SHISAL2B: variants seen among roughly 807,000 people sequenced by gnomAD.
The protein encoded by SHISAL2B is protein shisa-like-2B.
SHISAL2B carries 12 observed loss-of-function variants against 16.5 expected under a neutral mutation model. That is an observed-to-expected ratio of 0.73 (90% CI 0.47 to 1.18). The LOEUF is 1.18. Among genes scored for constraint, SHISAL2B ranks in the 50% most tolerant of loss-of-function variants. The pLI is 0.00. For missense variants in SHISAL2B, 183 were observed against 193.6 expected (o/e 0.95, Z 0.33); for synonymous variants, 72 against 75.0 (o/e 0.96, Z 0.21).
chr5:64,714,996 G>A (rs28553936), intron 2 of SHISAL2B, among the ~76,000 whole-genome samples: 15,964 of 151,970 alleles, frequency 0.11, 1,471 homozygotes, highest in African/African-American at 0.24. Flanking sequence ...GAAATCACCC[G>A]TCTTCTGCGT....
intron 2 of SHISAL2B, among the ~76,000 whole-genome samples, chr5:64,703,522 A>G (rs1741837431): frequency 6.6e-6 from 1 of 152,316 alleles, no homozygotes; most frequent in Non-Finnish European, 1.5e-5. Context: ...AGCATTTCTG[A>G]GTCCTCCTCA....
intron 2 of SHISAL2B, among the ~76,000 whole-genome samples, chr5:64,712,467 T>G (rs1284064995): frequency 4.0e-5 from 6 of 151,700 alleles, no homozygotes; most frequent in African/African-American, 7.2e-5. Flanking sequence ...AACTATGTGG[T>G]CAATTTTGGA....
chr5:64,710,044 G>A (rs1222368870), intron 2 of SHISAL2B, among the ~76,000 whole-genome samples: 1 of 148,954 alleles, frequency 6.7e-6, no homozygotes, highest in African/African-American at 2.5e-5. Flanking sequence ...AGTTTAATGA[G>A]ATCCCATTTG....
intron 2 of SHISAL2B, among the ~76,000 whole-genome samples, chr5:64,699,152 A>G (rs560789293): frequency 9.0e-4 from 137 of 152,296 alleles, no homozygotes; most frequent in Middle Eastern, 6.8e-3. Flanking sequence ...TGCCCCTCTC[A>G]TAAATATATT....
chr5:64,696,786 C>T (rs1232980399), intron 2 of SHISAL2B, among the ~76,000 whole-genome samples: 2 of 152,204 alleles, frequency 1.3e-5, no homozygotes, highest in African/African-American at 4.8e-5. Flanking sequence ...CAAGACAATA[C>T]GTGCACTGCT....
At chr5:64,715,277 G>A (rs956965318) in intron 2 of SHISAL2B, among the ~76,000 whole-genome samples, 1 of 151,728 alleles carries the variant, frequency 6.6e-6, no homozygotes, top group African/African-American at 2.4e-5. Flanking sequence ...TTAAAGGCAA[G>A]GTTTAGATTC....
intron 2 of SHISAL2B, among the ~76,000 whole-genome samples, chr5:64,703,606 T>G (rs1741839452): frequency 6.6e-6 from 1 of 152,110 alleles, no homozygotes; most frequent in Non-Finnish European, 1.5e-5. Context: ...TCATTGAAAA[T>G]TATTTATTTC....
intron 2 of SHISAL2B, among the ~76,000 whole-genome samples, chr5:64,700,891 G>T (rs540268084): frequency 2.6e-5 from 4 of 152,108 alleles, no homozygotes; most frequent in African/African-American, 9.7e-5. Context: ...CCTCACATGC[G>T]CAGTTCACAA....
At chr5:64,694,080 G>C (rs758152491) in intron 1 of SHISAL2B, 72 of 455,520 alleles carry the variant, frequency 1.6e-4, no homozygotes, top group South Asian at 1.1e-3. Flanking sequence ...CCTCCCTTTT[G>C]GTACAGGTCA....
intron 2 of SHISAL2B, among the ~76,000 whole-genome samples, chr5:64,707,248 A>T (rs1258811616): frequency 2.0e-5 from 3 of 152,022 alleles, no homozygotes; most frequent in African/African-American, 4.8e-5. Flanking sequence ...AAGACTTTTT[A>T]TTTATTTATT....
rs1351999765 is a variant in SHISAL2B, at chr5:64,694,199, G to T, written c.192-1308G>T. On this transcript the variant is annotated intron_variant, in intron 1 of 2. Transcript: ENST00000389074. ...TTCAATGACGTATGTTCCAAATACA[G>T]GTAGATCAATTGGCAGTCAATTATT... The T allele has an allele frequency of 1.2e-5, 5 of 409,568 alleles. No homozygotes were observed. In the East Asian group the frequency reaches 3.7e-4, roughly 31 times the overall value. The allele number at this position is 409,568 out of a possible 1,614,324, so 25.4% of individuals were successfully genotyped here. A position where few individuals can be genotyped will look rare whatever the true frequency, so the allele number is the denominator to read the frequency against.
intron 2 of SHISAL2B, among the ~76,000 whole-genome samples, chr5:64,716,893 C>T (rs1742063967): frequency 6.6e-6 from 1 of 152,110 alleles, no homozygotes; most frequent in African/African-American, 2.4e-5. Flanking sequence ...TAAAGAATAG[C>T]TCTTTGAATG....
chr5:64,694,303 A>C (rs1741697747), intron 1 of SHISAL2B: 1 of 259,702 alleles, frequency 3.9e-6, no homozygotes, highest in South Asian at 3.8e-5. Flanking sequence ...CACTACCATG[A>C]AAGTTGACAG....
At chr5:64,708,771 A>G (rs1741908995) in intron 2 of SHISAL2B, among the ~76,000 whole-genome samples, 1 of 152,190 alleles carries the variant, frequency 6.6e-6, no homozygotes, top group Non-Finnish European at 1.5e-5. Flanking sequence ...GCTATTTTCC[A>G]GGCTAGTAAA....
intron 2 of SHISAL2B, among the ~76,000 whole-genome samples, chr5:64,712,345 G>A (rs1028840620): frequency 5.4e-4 from 82 of 152,202 alleles, no homozygotes; most frequent in African/African-American, 1.7e-3. Flanking sequence ...GTAGTTGAGC[G>A]GCTTTGAGTG....
chr5:64,693,518 T>C (rs1299581645), intron 1 of SHISAL2B, among the ~76,000 whole-genome samples: 1 of 152,250 alleles, frequency 6.6e-6, no homozygotes, highest in Non-Finnish European at 1.5e-5. Context: ...TCAAATAGAC[T>C]AAATTACATT....
chr5:64,694,848 T>C (rs1561373730), intron 1 of SHISAL2B, among the ~76,000 whole-genome samples: 1 of 152,228 alleles, frequency 6.6e-6, no homozygotes, highest in African/African-American at 2.4e-5. Flanking sequence ...GTGAACCCAA[T>C]CTTTCCTTCT....
Position 64,718,133 on chromosome 5 carries a change from C to A in SHISAL2B, c.*111C>A. The A allele has an allele frequency of 1.2e-6, 1 of 822,628 alleles. No homozygotes were observed. The highest frequency in any genetic ancestry group is 1.7e-6 in the Non-Finnish European group (1 of 577,010). 51.0% of individuals were successfully genotyped at this position (822,628 alleles called of 1,614,324 possible). On this transcript the variant is annotated 3_prime_UTR_variant, in exon 3 of 3. Transcript: ENST00000389074. Reference sequence around the variant, plus strand: ...TTTCAAAAATTCGTCACTCACAAAGCAAGACACAGCTGCATTTTTGATCAT... The same window carrying A: ...TTTCAAAAATTCGTCACTCACAAAGAAAGACACAGCTGCATTTTTGATCAT...
chr5:64,716,672 A>G (rs1463031363), intron 2 of SHISAL2B, among the ~76,000 whole-genome samples: 3 of 152,188 alleles, frequency 2.0e-5, no homozygotes, highest in Non-Finnish European at 4.4e-5. Flanking sequence ...GAAGAAGAGC[A>G]TAGTAGACAG....
Sources: gnomAD v4.1 joint callset for allele counts (sites outside exome capture counted in the v4.1 genomes callset) on GRCh38, gnomAD v4.1.1 for gene constraint, MANE v1.5 for transcripts, NCBI Gene and HGNC (gene_info 2026-07-23, HGNC 2026-07-21) for gene names.